WDR7: variants seen among roughly 807,000 people sequenced by gnomAD.
WDR7 encodes the protein WD repeat domain 7, also known as WD repeat-containing protein 7.
A neutral mutation model predicts 169.4 loss-of-function variants in WDR7; 46 were observed. That is an observed-to-expected ratio of 0.27 (90% CI 0.21 to 0.35). The LOEUF is 0.35. WDR7 is among the 10% of genes least tolerant of loss of function. The pLI is 1.00. For synonymous variants in WDR7, 612 were observed against 666.8 expected (o/e 0.92, Z 1.27); for missense variants, 1,534 against 1,859.3 (o/e 0.83, Z 3.22).
chr18:56,875,749 A>G (rs539550228), intron 20 of WDR7, among the ~76,000 whole-genome samples: 26 of 152,300 alleles, frequency 1.7e-4, no homozygotes, highest in African/African-American at 4.6e-4. Flanking sequence ...CTTAAGTTCA[A>G]TGAGGGCAGG....
Position 56,758,875 on chromosome 18 carries a change from C to A in WDR7, c.2770C>A (p.Pro924Thr). ...MKKGPTRPPR[P>T]STPDLSKARG... The stretch of plus-strand genomic sequence containing the variant: ...TTCTTCTTTTTTAAGGCCACCTAGA[C>A]CAAGCACCCCAGACCTTTCTAAGGC... Residue 924 changes from proline to threonine, a missense_variant, in exon 16 of 28, where the codon CCA (proline) becomes ACA (threonine). Physicochemically the swap from Pro to Thr is conservative, Grantham distance 38. Coordinates refer to ENST00000254442, the MANE Select transcript of WDR7 (RefSeq NM_015285.3). The A allele has an allele frequency of 6.2e-7, 1 of 1,611,576 alleles. No homozygotes were observed. The highest frequency in any genetic ancestry group is 8.5e-7 in the Non-Finnish European group (1 of 1,178,808).
intron 7 of WDR7, among the ~76,000 whole-genome samples, chr18:56,688,719 ACT>A (rs1287595998): frequency 1.3e-5 from 2 of 150,958 alleles, no homozygotes; most frequent in South Asian, 4.2e-4. Context: ...ACAGAGCAAG[ACT>A]CTGTCTTGGG....
intron 21 of WDR7, among the ~76,000 whole-genome samples, chr18:56,912,384 A>G (rs1469065940): frequency 1.3e-5 from 2 of 152,240 alleles, no homozygotes; most frequent in Non-Finnish European, 2.9e-5. Flanking sequence ...ATCATGATTA[A>G]TAAGTGATCT....
chr18:56,799,407 T>C (rs913546068), intron 19 of WDR7, among the ~76,000 whole-genome samples: 1 of 146,328 alleles, frequency 6.8e-6, no homozygotes, highest in African/African-American at 2.6e-5. Context: ...GTGGCTTTTA[T>C]ATCAAATATT....
chr18:56,770,738 T>G (rs2044141386), intron 16 of WDR7, among the ~76,000 whole-genome samples: 1 of 152,206 alleles, frequency 6.6e-6, no homozygotes, highest in Admixed American at 6.5e-5. Context: ...CCTGCACCTT[T>G]GTACTGCCCT....
chr18:56,987,627 G>A (rs1409973928), intron 26 of WDR7, among the ~76,000 whole-genome samples: 5 of 152,122 alleles, frequency 3.3e-5, no homozygotes, highest in Admixed American at 1.3e-4. Flanking sequence ...CTAAAGTTAC[G>A]TATTTGGGCA....
At chr18:56,909,271 G>C (rs1344348502) in intron 21 of WDR7, among the ~76,000 whole-genome samples, 1 of 152,116 alleles carries the variant, frequency 6.6e-6, no homozygotes, top group African/African-American at 2.4e-5. Flanking sequence ...TGGCTTCTGG[G>C]TGGAAAGGGG....
rs1324491436 is a variant in WDR7 at position 56,985,399 on chromosome 18, A to G, written c.4164+22870A>G. On this transcript the variant is annotated intron_variant, in intron 26 of 27. Coordinates refer to ENST00000254442, the MANE Select transcript of WDR7 (RefSeq NM_015285.3). ...TATTTTCAAAACCAAATTTTAAAAT[A>G]TATCACAAGGATTATGCTATGATTT... is the stretch of plus-strand genomic sequence containing the variant. Among the ~76,000 whole-genome samples the G allele has an allele frequency of 2.6e-5, 4 of 152,312 alleles. No individual in the cohort carries two copies. In the East Asian group the frequency reaches 7.7e-4, roughly 29 times the overall value.
intron 26 of WDR7, among the ~76,000 whole-genome samples, chr18:57,002,570 A>G (rs1218564457): frequency 6.6e-6 from 1 of 152,220 alleles, no homozygotes; most frequent in African/African-American, 2.4e-5. Flanking sequence ...AAGCTATTCT[A>G]TAAGCGAAAA....
intron 19 of WDR7, among the ~76,000 whole-genome samples, chr18:56,804,559 A>G (rs1265059202): frequency 6.6e-6 from 1 of 152,208 alleles, no homozygotes; most frequent in African/African-American, 2.4e-5. Flanking sequence ...AGTCATATGG[A>G]TATAACAGTT....
intron 12 of WDR7, among the ~76,000 whole-genome samples, chr18:56,710,605 C>A (rs2026065942): frequency 6.6e-6 from 1 of 151,912 alleles, no homozygotes; most frequent in Admixed American, 6.6e-5. Context: ...GGATTATTTT[C>A]TTTGGATATA....
intron 4 of WDR7, 92 bp from the exon 5 acceptor site, chr18:56,682,587 T>A (rs1444745145): frequency 7.2e-7 from 1 of 1,395,694 alleles, no homozygotes; most frequent in African/African-American, 1.4e-5. Flanking sequence ...TTTAGGAGAA[T>A]ATTGTAATAA....
intron 20 of WDR7, among the ~76,000 whole-genome samples, chr18:56,869,145 A>G (rs966726919): frequency 2.6e-5 from 4 of 152,192 alleles, no homozygotes; most frequent in Non-Finnish European, 5.9e-5. Flanking sequence ...AAAATAATTG[A>G]CACACCTTCA....
intron 19 of WDR7, among the ~76,000 whole-genome samples, chr18:56,802,542 G>C (rs1007061724): frequency 1.2e-5 from 1 of 84,372 alleles, no homozygotes; most frequent in Non-Finnish European, 2.5e-5. Context: ...TTTTTTTTTT[G>C]TATTTTTAGT....
Sources: gnomAD v4.1 joint callset for allele counts (sites outside exome capture counted in the v4.1 genomes callset) on GRCh38, gnomAD v4.1.1 for gene constraint, MANE v1.5 for transcripts, NCBI Gene and HGNC (gene_info 2026-07-23, HGNC 2026-07-21) for gene names.